TMEM232: variants seen among roughly 807,000 people sequenced by gnomAD.
TMEM232 encodes transmembrane protein 232.
In TMEM232, 80 loss-of-function variants were observed where a neutral mutation model predicts 78.8. That is an observed-to-expected ratio of 1.01 (90% CI 0.85 to 1.22). The LOEUF (loss-of-function observed/expected upper bound fraction) is 1.22. Among genes scored for constraint, TMEM232 ranks in the 50% most tolerant of loss-of-function variants. The pLI is 0.00. For synonymous variants in TMEM232, 297 were observed against 254.3 expected (o/e 1.17, Z -1.60); for missense variants, 881 against 742.2 (o/e 1.19, Z -2.17).
At chr5:110,574,565 T>C (rs892506700) in intron 10 of TMEM232, among the ~76,000 whole-genome samples, 1 of 152,074 alleles carries the variant, frequency 6.6e-6, no homozygotes, top group South Asian at 2.1e-4. Context: ...CTCTATCAGT[T>C]TGAACATTGG....
chr5:110,452,849 C>G (rs1284576774), intron 12 of TMEM232, among the ~76,000 whole-genome samples: 2 of 152,166 alleles, frequency 1.3e-5, no homozygotes, highest in African/African-American at 4.8e-5. Context: ...CATGATTCCT[C>G]TTACATAAGT....
At chr5:110,556,668 C>A (rs77518504) in intron 11 of TMEM232, among the ~76,000 whole-genome samples, 1 of 152,020 alleles carries the variant, frequency 6.6e-6, no homozygotes, top group Non-Finnish European at 1.5e-5. Context: ...ATTACAAGCC[C>A]GACAGAATCT....
At chr5:110,649,182 C>T (rs1202613778) in intron 2 of TMEM232, among the ~76,000 whole-genome samples, 1 of 151,942 alleles carries the variant, frequency 6.6e-6, no homozygotes, top group Non-Finnish European at 1.5e-5. Flanking sequence ...TACAATATTA[C>T]ATTTATATAA....
Position 110,638,275 on chromosome 5 carries a change from C to A in TMEM232, c.424G>T (p.Glu142Ter). 6.4e-7 allele frequency: 1 copy of A among 1,550,800 alleles called. No individual in the cohort carries two copies. Among genetic ancestry groups the A allele is most frequent in the Non-Finnish European group, 8.7e-7 (1 of 1,146,536 alleles). ...DHLPALFFVA[E>*]SVLYRLCCDA... ...CAACACAGTCTGTATAAAACCGATT[C>A]CGCAACAAAAAATAAGGCAGGCAGA... The change falls in exon 5 of 14, where the codon GAA (glutamate) becomes TAA (stop). Residue 142 changes from glutamate to a stop codon, truncating the protein, a stop_gained. Transcript: ENST00000455884. LOFTEE classifies it high-confidence loss of function.
chr5:110,484,299 TAA>T (rs935076429), intron 12 of TMEM232, among the ~76,000 whole-genome samples: 5 of 151,762 alleles, frequency 3.3e-5, no homozygotes, highest in African/African-American at 1.2e-4. Flanking sequence ...CCCCTGAACC[TAA>T]GAGTAAGAAA....
At chr5:110,593,143 A>C (rs984796568) in intron 10 of TMEM232, among the ~76,000 whole-genome samples, 1 of 152,198 alleles carries the variant, frequency 6.6e-6, no homozygotes, top group Admixed American at 6.5e-5. Flanking sequence ...TCCATAATGT[A>C]TGGCACTGCT....
intron 1 of TMEM232, among the ~76,000 whole-genome samples, chr5:110,715,209 A>C (rs930733629): frequency 3.9e-5 from 6 of 152,152 alleles, no homozygotes; most frequent in African/African-American, 1.4e-4. Context: ...TAACCAGCCT[A>C]AATCAATGTC....
Position 110,528,619 on chromosome 5 carries a change from C to A in TMEM232, c.1672G>T (p.Val558Leu), listed in dbSNP as rs1361260938. Residue 558 changes from valine (V) to leucine (L), a missense_variant, in exon 12 of 14, where the codon GTG becomes TTG. Coordinates refer to ENST00000455884, the MANE Select transcript of TMEM232 (RefSeq NM_001039763.4). ...GTGAAATGTAGAACTTGCTTTTTCA[C>A]AGACTCCAGCTTTTTATTTGGATAT... ...TKYPNKKLES[V>L]KKQVLHFTVR... The A allele has an allele frequency of 2.0e-6, 3 of 1,530,406 alleles. No homozygotes were observed. In the East Asian group the frequency reaches 7.4e-5, roughly 38 times the overall value. 94.8% of individuals were successfully genotyped at this position (1,530,406 alleles called of 1,614,324 possible).
intron 12 of TMEM232, among the ~76,000 whole-genome samples, chr5:110,492,891 A>T (rs1049043720): frequency 1.3e-5 from 2 of 152,030 alleles, no homozygotes; most frequent in African/African-American, 4.8e-5. Context: ...AAGTTAAATG[A>T]TATAATGTCA....
At chr5:110,676,383 T>C (rs1410633868) in intron 1 of TMEM232, among the ~76,000 whole-genome samples, 2 of 151,428 alleles carry the variant, frequency 1.3e-5, no homozygotes, top group South Asian at 2.1e-4. Context: ...ACACCAGTAG[T>C]GTACAGGGTT....
intron 3 of TMEM232, among the ~76,000 whole-genome samples, chr5:110,391,492 CATG>C (rs1459450871): frequency 6.6e-6 from 1 of 151,918 alleles, no homozygotes; most frequent in Non-Finnish European, 1.5e-5. Context: ...TAGAATTTAT[CATG>C]TAACAGAAAA....
intron 10 of TMEM232, among the ~76,000 whole-genome samples, chr5:110,584,072 C>T (rs1295766701): frequency 1.3e-5 from 2 of 151,316 alleles, no homozygotes; most frequent in African/African-American, 2.4e-5. Context: ...GGTATTACTG[C>T]TACAGAAAAC....
chr5:110,581,306 T>C (rs558801047), intron 10 of TMEM232, among the ~76,000 whole-genome samples: 1 of 151,948 alleles, frequency 6.6e-6, no homozygotes, highest in South Asian at 2.1e-4. Flanking sequence ...ATGGTACTAG[T>C]ACAAAAACAG....
intron 4 of TMEM232, among the ~76,000 whole-genome samples, chr5:110,639,790 C>T (rs1786409259): frequency 1.3e-5 from 2 of 152,230 alleles, no homozygotes; most frequent in South Asian, 4.1e-4. Flanking sequence ...TTTTGTCTCA[C>T]AAGGAGCACC....
chr5:110,515,257 TG>T (rs1433454008), intron 12 of TMEM232, among the ~76,000 whole-genome samples: 1 of 152,214 alleles, frequency 6.6e-6, no homozygotes. Flanking sequence ...TTGGATTGTC[TG>T]GCAAAATGCT....
intron 10 of TMEM232, among the ~76,000 whole-genome samples, chr5:110,587,929 C>G (rs1439032378): frequency 6.6e-6 from 1 of 151,384 alleles, no homozygotes; most frequent in Non-Finnish European, 1.5e-5. Context: ...AAGATTGTCT[C>G]AATTCTATTG....
intron 7 of TMEM232, among the ~76,000 whole-genome samples, chr5:110,620,398 A>G (rs958463862): frequency 6.6e-6 from 1 of 152,180 alleles, no homozygotes; most frequent in Non-Finnish European, 1.5e-5. Context: ...TCTGCCACCC[A>G]CAAAATACAT....
At chr5:110,650,427 C>T (rs1052308962) in intron 2 of TMEM232, among the ~76,000 whole-genome samples, 4 of 152,032 alleles carry the variant, frequency 2.6e-5, no homozygotes, top group South Asian at 2.1e-4. Flanking sequence ...GAAAAATAGT[C>T]ACTCTCAGTA....
At chr5:110,569,096 G>C (rs540098925) in intron 10 of TMEM232, among the ~76,000 whole-genome samples, 6 of 151,832 alleles carry the variant, frequency 4.0e-5, no homozygotes, top group African/African-American at 1.4e-4. Context: ...CATGTGAAAA[G>C]CATACAAAAA....
Sources: allele counts gnomAD v4.1 joint callset (sites outside exome capture counted in the v4.1 genomes callset), GRCh38; gene constraint gnomAD v4.1.1; transcripts MANE v1.5; gene names NCBI Gene and HGNC (gene_info 2026-07-23, HGNC 2026-07-21).